Variants in LIPE observed in about 807,000 individuals in gnomAD.
LIPE encodes hormone-sensitive lipase.
Under a neutral mutation model 88.5 loss-of-function variants are expected in LIPE, and 66 were observed. The ratio of observed to expected loss-of-function variants is 0.75; its 90% CI spans 0.61 to 0.91. LIPE has a LOEUF of 0.91. Ranked by LOEUF, LIPE falls within the 40% of genes least tolerant of loss-of-function variation. LIPE has a pLI of 0.00. For synonymous variants in LIPE, 570 were observed against 617.5 expected (o/e 0.92, Z 1.14); for missense variants, 1,346 against 1,434.7 (o/e 0.94, Z 1.00).
In LIPE at chr19:42,407,344, A is replaced by G; in HGVS notation, c.1967T>C (p.Val656Ala). The G allele has an allele frequency of 6.2e-7, 1 of 1,612,866 alleles. No homozygotes were observed. The highest frequency in any genetic ancestry group is 8.5e-7 in the Non-Finnish European group (1 of 1,179,580). ...CTCGTGGGATCTGGAGGTCTGGGCC[A>G]CAAAGCCACCGCCGTGGAAGTGCAC... ...LIVHFHGGGF[V>A]AQTSRSHEPY... Residue 656 changes from valine to alanine, a missense_variant, in exon 6 of 10, where the codon GTG becomes GCG. Physicochemically the swap from Val to Ala is moderately conservative, Grantham distance 64. Coordinates refer to ENST00000244289, the MANE Select transcript of LIPE (RefSeq NM_005357.4). The surrounding 1 kb of genome is among the most constrained non-coding windows in gnomAD (Gnocchi z 5.8).
rs746003650 is a variant in LIPE, at chr19:42,426,702, G to C, written c.448C>G (p.Gln150Glu). 19 of 1,614,102 alleles carry C rather than the reference G, an allele frequency of 1.2e-5. No homozygotes were observed. The African/African-American group carries it at 2.4e-4, about 20-fold the overall frequency. ...GPGPGEPPPA[Q>E]QEAESTPAAQ... ...GCAGGTGTTGATTCAGCTTCTTGTT[G>C]AGCTGGAGGTGGCTCTCCTGGCCCA... Residue 150 changes from glutamine to glutamate, a missense_variant, in exon 1 of 10, where the codon CAA (glutamine) becomes GAA (glutamate). Transcript: ENST00000244289.
chr19:42,418,918 A>C (rs1406841343), intron 1 of LIPE, among the ~76,000 whole-genome samples: 2 of 152,106 alleles, frequency 1.3e-5, no homozygotes, highest in Non-Finnish European at 2.9e-5. Context: ...CAGCCTTTGG[A>C]CAGTGCCTGG....
intron 1 of LIPE, chr19:42,423,426 C>T (rs1409892690): frequency 1.6e-6 from 2 of 1,289,590 alleles, no homozygotes; most frequent in Non-Finnish European, 1.0e-6. Context: ...CACCTTTGGC[C>T]TTGTCTTTTC....
chr19:42,406,374 G>A lies in LIPE; in HGVS notation c.2152C>T (p.Arg718Ter), dbSNP rs1361929051. Reference sequence around the variant, plus strand: ...GCACTGTCCCCCGCAAGGCAGATTCGTTCCCCTGTTGAGCCTGGTTTGGGA... The same window carrying A: ...GCACTGTCCCCCGCAAGGCAGATTCATTCCCCTGTTGAGCCTGGTTTGGGA... ...HCALLGSTGE[R>*]ICLAGDSAGG... The change falls in exon 7 of 10, where the codon CGA (arginine) becomes TGA (stop). Residue 718 changes from arginine to a stop codon, truncating the protein, a stop_gained. Coordinates refer to ENST00000244289, the MANE Select transcript of LIPE (RefSeq NM_005357.4). LOFTEE classifies it high-confidence loss of function. This position sits in a 1 kb window ranked among gnomAD's most constrained non-coding sequence, Gnocchi z 5.7. The A allele has an allele frequency of 4.3e-6, 7 of 1,613,072 alleles. No homozygotes were observed. Among genetic ancestry groups the A allele is most frequent in the Middle Eastern group, 1.6e-4 (1 of 6,082 alleles).
At position 42,401,906 on chromosome 19, in the gene LIPE, C is replaced by A. The variant is rs2039984162; in HGVS notation, c.3137G>T (p.Arg1046Leu). The A allele has an allele frequency of 1.4e-5, 21 of 1,547,528 alleles. No homozygotes were observed. The highest frequency in any genetic ancestry group is 1.8e-5 in the Non-Finnish European group (21 of 1,152,616). ...TRQAAELCVE[R>L]IRLVLTPPAG... ...GGGAGGAGTGAGGACGAGGCGGATGCGCTCCACGCACAGCTCTGCGGCCTG... is the reference window on the plus strand; with the variant it reads ...GGGAGGAGTGAGGACGAGGCGGATGAGCTCCACGCACAGCTCTGCGGCCTG... Residue 1046 changes from arginine (R) to leucine (L), a missense_variant, in exon 10 of 10, where the codon CGC becomes CTC. Coordinates refer to ENST00000244289, the MANE Select transcript of LIPE (RefSeq NM_005357.4).
At position 42,407,240 on chromosome 19, in the gene LIPE, AG is replaced by A; in HGVS notation, c.2070del (p.Phe691SerfsTer78). 1 of 1,585,304 alleles carries A rather than the reference AG, an allele frequency of 6.3e-7. No individual in the cohort carries two copies. Among genetic ancestry groups the A allele is most frequent in the Non-Finnish European group, 8.6e-7 (1 of 1,165,816 alleles). On this transcript the variant is annotated frameshift_variant, in exon 6 of 10. Transcript: ENST00000244289. LOFTEE classifies it high-confidence loss of function. The surrounding 1 kb of genome is among the most constrained non-coding windows in gnomAD (Gnocchi z 5.8). Reference protein sequence around the residue: ...SIDYSLAPEAPFPRALEECFF... With the variant: ...SIDYSLAPEAXFPRALEECFF... ...AAGCACTCCTCCAGCGCACGGGGGA[AG>A]GGGGCCTCAGGGGCCAGGGAGTAGT...
intron 8 of LIPE, among the ~76,000 whole-genome samples, chr19:42,403,275 G>GTT (rs1205871644): frequency 1.4e-5 from 2 of 147,254 alleles, no homozygotes; most frequent in Admixed American, 1.4e-4. Context: ...GTGTGTGTGT[G>GTT]TGTGTGTGTG....
chr19:42,414,335 G>T lies in LIPE; in HGVS notation c.884-3493C>A, dbSNP rs2040447668. Among the ~76,000 whole-genome samples the T allele has an allele frequency of 6.6e-6, 1 of 151,542 alleles. No individual in the cohort carries two copies. Among genetic ancestry groups the T allele is most frequent in the African/African-American group, 2.4e-5 (1 of 40,852 alleles). On this transcript the variant is annotated intron_variant, in intron 1 of 9. Transcript: ENST00000244289. The surrounding 1 kb of genome is among the most constrained non-coding windows in gnomAD (Gnocchi z 4.6). ...AAGAAAGGAAAGAAGAAAAGAAAAG[G>T]AAAGAAAGATGGCCCAAGCCCTTGC...
chr19:42,424,120 G>T, intron 1 of LIPE: 1 of 1,192,744 alleles, frequency 8.4e-7, no homozygotes, highest in Non-Finnish European at 1.1e-6. Flanking sequence ...TCCCTCTCCT[G>T]TCTCCTAGTT....
In LIPE at chr19:42,427,324, A is replaced by G; in HGVS notation, c.-175T>C. 1 of 1,262,458 alleles carries G rather than the reference A, an allele frequency of 7.9e-7. No homozygotes were observed. Among genetic ancestry groups the G allele is most frequent in the South Asian group, 1.8e-5 (1 of 55,378 alleles). 78.2% of individuals were successfully genotyped at this position (1,262,458 alleles called of 1,614,324 possible). On this transcript the variant is annotated 5_prime_UTR_variant, in exon 1 of 10. Transcript: ENST00000244289. The stretch of plus-strand genomic sequence containing the variant: ...TTTTAAGGCAGCTGGCAGTTGGCCG[A>G]TCACAGCTGGCCCCCACTAAGTAAT...
chr19:42,405,088 G>C (rs182904856), intron 8 of LIPE, among the ~76,000 whole-genome samples: 23 of 152,080 alleles, frequency 1.5e-4, no homozygotes, highest in African/African-American at 5.3e-4. Context: ...GGCTGGTCTC[G>C]AACTCCTGAC....
Position 42,410,901 on chromosome 19 carries a change from G to T in LIPE, c.884-59C>A. On this transcript the variant is annotated intron_variant, in intron 1 of 9. Transcript: ENST00000244289. This position sits in a 1 kb window ranked among gnomAD's most constrained non-coding sequence, Gnocchi z 6.1. Reference sequence around the variant, plus strand: ...CTGGATCAAGCCTTGCTTAGCTGGGGCCCAGGAGTCTGGGCCATAGCTTAC... The same window carrying T: ...CTGGATCAAGCCTTGCTTAGCTGGGTCCCAGGAGTCTGGGCCATAGCTTAC... 6.8e-7 allele frequency: 1 copy of T among 1,474,376 alleles called. No homozygotes were observed. The highest frequency in any genetic ancestry group is 9.0e-7 in the Non-Finnish European group (1 of 1,105,196). The allele number at this position is 1,474,376 out of a possible 1,614,324, so 91.3% of individuals were successfully genotyped here.
In LIPE at chr19:42,406,493, G is replaced by A. The variant is rs927433437; in HGVS notation, c.2138-105C>T. 2.2e-6 allele frequency: 2 copies of A among 918,528 alleles called. No homozygotes were observed. Among genetic ancestry groups the A allele is most frequent in the African/African-American group, 1.6e-5 (1 of 61,244 alleles). The allele number at this position is 918,528 out of a possible 1,614,324, so 56.9% of individuals were successfully genotyped here. ...GGGAGAACTGGGCTCTCCAAGGTGG[G>A]GTGTGGGGCACTCCAAGGCCTAGCA... On this transcript the variant is annotated intron_variant, in intron 6 of 9. Transcript: ENST00000244289. The surrounding 1 kb of genome is among the most constrained non-coding windows in gnomAD (Gnocchi z 5.7).
At position 42,410,781 on chromosome 19, in the gene LIPE, C is replaced by A; in HGVS notation, c.945G>T (p.Ala315=). Residue 315 remains alanine, a synonymous_variant, in exon 2 of 10, where the codon GCG becomes GCT. Coordinates refer to ENST00000244289, the MANE Select transcript of LIPE (RefSeq NM_005357.4). This position sits in a 1 kb window ranked among gnomAD's most constrained non-coding sequence, Gnocchi z 6.1. The stretch of plus-strand genomic sequence containing the variant: ...TCGAGAAGAAGGCTATGTTGTCCTC[C>A]GCCAGAGTCACCAGCGACTGTGTCA... ...RTMTQSLVTL[A]EDNIAFFSSQ... is the part of the protein sequence containing the mutation. The A allele has an allele frequency of 6.2e-7, 1 of 1,603,894 alleles. No homozygotes were observed. The highest frequency in any genetic ancestry group is 8.5e-7 in the Non-Finnish European group (1 of 1,173,994).
intron 8 of LIPE, among the ~76,000 whole-genome samples, chr19:42,403,242 TGTG>T (rs1410014075): frequency 2.8e-5 from 1 of 36,212 alleles, no homozygotes; most frequent in South Asian, 9.2e-4. Context: ...TAGTGAAGGA[TGTG>T]TGTGTGTGTG....
Position 42,410,367 on chromosome 19 carries a change from G to A in LIPE, c.1359C>T (p.Phe453=), listed in dbSNP as rs1410147786. Residue 453 remains phenylalanine (F), a synonymous_variant, in exon 2 of 10, where the codon TTC becomes TTT. Transcript: ENST00000244289. The surrounding 1 kb of genome is among the most constrained non-coding windows in gnomAD (Gnocchi z 6.1). ...TATGCAGCGTGACATACTCCCGGAG[G>A]AAGTCGGCGGTGAGCCCCTCGTCGC... The part of the protein sequence containing the change: ...FEGDEGLTAD[F]LREYVTLHKG... The A allele has an allele frequency of 1.9e-6, 3 of 1,613,920 alleles. No individual in the cohort carries two copies. Among genetic ancestry groups the A allele is most frequent in the South Asian group, 1.1e-5 (1 of 91,066 alleles).
At chr19:42,413,574 G>C (rs1207315833) in intron 1 of LIPE, among the ~76,000 whole-genome samples, 1 of 152,220 alleles carries the variant, frequency 6.6e-6, no homozygotes, top group Non-Finnish European at 1.5e-5. Flanking sequence ...GCGGAGGCAG[G>C]AGAATGGTGT....
Position 42,407,900 on chromosome 19 carries a change from G to A in LIPE, c.1656+76C>T, listed in dbSNP as rs1035847100. ...CCCCTTGTGTGCCATCCCTGGGCCT[G>A]GAGCCCCACAGAGACCTACTGTGGC... On this transcript the variant is annotated intron_variant, in intron 4 of 9. Coordinates refer to ENST00000244289, the MANE Select transcript of LIPE (RefSeq NM_005357.4). The surrounding 1 kb of genome is among the most constrained non-coding windows in gnomAD (Gnocchi z 5.8). The A allele has an allele frequency of 1.3e-6, 2 of 1,570,764 alleles. No homozygotes were observed. Among genetic ancestry groups the A allele is most frequent in the African/African-American group, 2.7e-5 (2 of 73,800 alleles).
intron 1 of LIPE, among the ~76,000 whole-genome samples, chr19:42,425,423 G>A (rs763640139): frequency 6.6e-5 from 10 of 152,104 alleles, no homozygotes; most frequent in Middle Eastern, 3.2e-3. Context: ...GAAAGACCCC[G>A]GCTTCAAATC....
Sources: allele counts gnomAD v4.1 joint callset (sites outside exome capture counted in the v4.1 genomes callset), GRCh38; gene constraint gnomAD v4.1.1; non-coding constraint Gnocchi (gnomAD v3.1); transcripts MANE v1.5; gene names NCBI Gene and HGNC (gene_info 2026-07-23, HGNC 2026-07-21).